Variants in FAIM2 observed in about 807,000 individuals in gnomAD.
The protein encoded by FAIM2 is Fas apoptotic inhibitory molecule 2, also known as protein lifeguard 2.
A neutral mutation model predicts 47.4 loss-of-function variants in FAIM2; 27 were observed. The observed-to-expected ratio is 0.57, with a 90% CI of 0.42 to 0.78. The LOEUF (loss-of-function observed/expected upper bound fraction) is 0.78. FAIM2 is among the 30% of genes least tolerant of loss of function. FAIM2 has a pLI of 0.00. For synonymous variants in FAIM2, 156 were observed against 159.3 expected, an observed-to-expected ratio of 0.98 and a Z score of 0.16; for missense variants, 311 against 389.4, an observed-to-expected ratio of 0.80 and a Z score of 1.69.
At chr12:49,880,160 A>G (rs150953002) in intron 11 of FAIM2, among the ~76,000 whole-genome samples, 107 of 54,936 alleles carry the variant, frequency 1.9e-3, no homozygotes, top group African/African-American at 5.7e-3. Context: ...ATGTGTGTGC[A>G]TGTGTGTATG....
At chr12:49,877,003 G>A (rs180873135) in intron 11 of FAIM2, among the ~76,000 whole-genome samples, 13 of 152,304 alleles carry the variant, frequency 8.5e-5, no homozygotes, top group Admixed American at 4.6e-4. Flanking sequence ...GACTTGGTGG[G>A]GGGCACTGGC....
At chr12:49,880,621 T>A (rs1001673369) in intron 11 of FAIM2, among the ~76,000 whole-genome samples, 1 of 64,370 alleles carries the variant, frequency 1.6e-5, no homozygotes, top group African/African-American at 8.9e-5. Context: ...TGAGTGTATG[T>A]GCATGTGTGT....
chr12:49,871,807 C>G (rs1592782452), intron 11 of FAIM2, among the ~76,000 whole-genome samples: 1 of 152,154 alleles, frequency 6.6e-6, no homozygotes, highest in South Asian at 2.1e-4. Flanking sequence ...GCTAGGATTA[C>G]AGGCATGTGC....
chr12:49,887,252 C>T (rs150215716), intron 11 of FAIM2, 134 bp downstream of exon 11: 142 of 763,840 alleles, frequency 1.9e-4, no homozygotes, highest in African/African-American at 6.8e-4. Flanking sequence ...AACGCAGCAC[C>T]GAGCCTAGCC....
At chr12:49,884,439 T>C (rs988237451) in intron 11 of FAIM2, among the ~76,000 whole-genome samples, 1 of 151,848 alleles carries the variant, frequency 6.6e-6, no homozygotes, top group African/African-American at 2.4e-5. Context: ...TATTTTCAGG[T>C]GGGAGAAATT....
chr12:49,880,633 TA>T (rs1946815096), intron 11 of FAIM2, among the ~76,000 whole-genome samples: 1 of 9,918 alleles, frequency 1.0e-4, no homozygotes, highest in East Asian at 3.7e-3. Context: ...CATGTGTGTA[TA>T]TATATGCATG....
At position 49,896,939 on chromosome 12, in the gene FAIM2, G is replaced by A. The variant is rs749784009; in HGVS notation, c.434+92C>T. 130 of 1,032,250 alleles carry A rather than the reference G, an allele frequency of 1.3e-4. 1 individual carries two copies. The highest frequency in any genetic ancestry group is 1.8e-4 in the Non-Finnish European group (116 of 651,852). 63.9% of individuals were successfully genotyped at this position (1,032,250 alleles called of 1,614,324 possible). A position where few individuals can be genotyped will look rare whatever the true frequency, so the allele number is the denominator to read the frequency against. On this transcript the variant is annotated intron_variant, in intron 5 of 11. Transcript: ENST00000320634. ...TCCCTGTGGGGCTGGGGGAAGCTAC[G>A]GGCTCAGATTAGGTCAAGAAAGACA...
At chr12:49,879,435 CAT>C (rs1309608232) in intron 11 of FAIM2, among the ~76,000 whole-genome samples, 1 of 126,614 alleles carries the variant, frequency 7.9e-6, no homozygotes, top group Non-Finnish European at 1.6e-5. Flanking sequence ...TGTGTATGTG[CAT>C]GTGTATATGT....
rs1946670376 is a variant in FAIM2, at chr12:49,867,338, A to G, written c.*3166T>C. The G allele has an allele frequency of 6.6e-6, 1 of 152,286 alleles. No individual in the cohort carries two copies. Among genetic ancestry groups the G allele is most frequent in the Non-Finnish European group, 1.5e-5 (1 of 68,148 alleles). 9.4% of individuals were successfully genotyped at this position (152,286 alleles called of 1,614,324 possible). On this transcript the variant is annotated 3_prime_UTR_variant, in exon 12 of 12. Coordinates refer to ENST00000320634, the MANE Select transcript of FAIM2 (RefSeq NM_012306.4). ...ATGCAAAAATCCCACCCCGCCCAGGAGAGCAGCCAGGACACCTGGGACTTG... is the reference window on the plus strand; with the variant it reads ...ATGCAAAAATCCCACCCCGCCCAGGGGAGCAGCCAGGACACCTGGGACTTG...
At position 49,867,532 on chromosome 12, in the gene FAIM2, C is replaced by T. The variant is rs74742846; in HGVS notation, c.*2972G>A. The T allele has an allele frequency of 0.016, 2,490 of 152,340 alleles. 29 individuals are homozygous for T. The highest frequency in any genetic ancestry group is 0.026 in the Non-Finnish European group (1,771 of 68,044). 9.4% of individuals were successfully genotyped at this position (152,340 alleles called of 1,614,324 possible). On this transcript the variant is annotated 3_prime_UTR_variant, in exon 12 of 12. Transcript: ENST00000320634. ...TGTGCCCGGGAATGAGTCCCAGACTCGTGTGTGCCTCCCGGGCCCCCATCT... is the reference window on the plus strand; with the variant it reads ...TGTGCCCGGGAATGAGTCCCAGACTTGTGTGTGCCTCCCGGGCCCCCATCT...
chr12:49,900,297 T>C, intron 2 of FAIM2: 7 of 1,060,050 alleles, frequency 6.6e-6, no homozygotes, highest in Non-Finnish European at 8.6e-6. Context: ...TGAGATCTCT[T>C]CTAGAATCCT....
Position 49,890,673 on chromosome 12 carries a change from G to A in FAIM2, c.525+10C>T. The A allele has an allele frequency of 6.2e-7, 1 of 1,613,478 alleles. No individual in the cohort carries two copies. Among genetic ancestry groups the A allele is most frequent in the Non-Finnish European group, 8.5e-7 (1 of 1,179,486 alleles). ...CAGCGTCTGTCCTCAGCACACCCAGGATCACTTACAAAGACGGTCAGGAGA... is the reference window on the plus strand; with the variant it reads ...CAGCGTCTGTCCTCAGCACACCCAGAATCACTTACAAAGACGGTCAGGAGA... On this transcript the variant is annotated intron_variant, in intron 7 of 11. Coordinates refer to ENST00000320634, the MANE Select transcript of FAIM2 (RefSeq NM_012306.4).
In FAIM2 at chr12:49,897,582, A is replaced by AC; in HGVS notation, c.316dup (p.Val106GlyfsTer23). The AC allele has an allele frequency of 6.2e-7, 1 of 1,613,560 alleles. No individual in the cohort carries two copies. Among genetic ancestry groups the AC allele is most frequent in the Non-Finnish European group, 8.5e-7 (1 of 1,179,696 alleles). ...CAGCTGAATCAGCAGGATGGTGTAG[A>AC]CCTGGGGGTGGGAGGGGTTCTACTC... On this transcript the variant is annotated frameshift_variant and splice_region_variant, in exon 4 of 12. Coordinates refer to ENST00000320634, the MANE Select transcript of FAIM2 (RefSeq NM_012306.4). LOFTEE classifies it high-confidence loss of function.
At chr12:49,892,740 C>G (rs549883354) in intron 5 of FAIM2, among the ~76,000 whole-genome samples, 1 of 152,312 alleles carries the variant, frequency 6.6e-6, no homozygotes, top group South Asian at 2.1e-4. Context: ...ATCCACCTGA[C>G]TTGCTCACCC....
In FAIM2 at chr12:49,870,564, G is replaced by A; in HGVS notation, c.891C>T (p.Tyr297=). 6.2e-7 allele frequency: 1 copy of A among 1,613,950 alleles called. No individual in the cohort carries two copies. Among genetic ancestry groups the A allele is most frequent in the Non-Finnish European group, 8.5e-7 (1 of 1,179,878 alleles). ...AGGTGAAGATATAGATGATGTCTAG[G>A]TAAATGTTGAGGGCTCCAAAAATAT... The part of the protein sequence containing the change: ...EEYIFGALNI[Y]LDIIYIFTFF... Residue 297 remains tyrosine, a synonymous_variant, in exon 12 of 12, where the codon TAC becomes TAT. Coordinates refer to ENST00000320634, the MANE Select transcript of FAIM2 (RefSeq NM_012306.4).
intron 11 of FAIM2, among the ~76,000 whole-genome samples, chr12:49,878,972 G>T (rs1946773027): frequency 7.3e-6 from 1 of 136,386 alleles, no homozygotes; most frequent in South Asian, 2.5e-4. Context: ...GTGCGTATGT[G>T]TATATGTATG....
Position 49,896,562 on chromosome 12 carries a change from G to A in FAIM2, c.434+469C>T, listed in dbSNP as rs1024173600. On this transcript the variant is annotated intron_variant, in intron 5 of 11. Coordinates refer to ENST00000320634, the MANE Select transcript of FAIM2 (RefSeq NM_012306.4). ...GTCATACCCAGTAGATGTGAGGACC[G>A]AATGCAATACTGTACATCAAGCACA... Among the ~76,000 whole-genome samples, 6 of 152,180 alleles carry A rather than the reference G, an allele frequency of 3.9e-5. No homozygotes were observed. The East Asian group carries it at 5.8e-4, about 15-fold the overall frequency.
intron 11 of FAIM2, among the ~76,000 whole-genome samples, chr12:49,882,277 A>G (rs1308941640): frequency 3.3e-5 from 5 of 152,128 alleles, no homozygotes; most frequent in African/African-American, 1.2e-4. Flanking sequence ...GGTGCTAGTT[A>G]TGGGATAGGC....
intron 11 of FAIM2, among the ~76,000 whole-genome samples, chr12:49,886,194 CA>C (rs1200813328): frequency 6.6e-6 from 1 of 152,206 alleles, no homozygotes; most frequent in East Asian, 1.9e-4. Context: ...CAAGCTTGCC[CA>C]ACTGGGTGGG....
Sources: allele counts gnomAD v4.1 joint callset (sites outside exome capture counted in the v4.1 genomes callset), GRCh38; gene constraint gnomAD v4.1.1; transcripts MANE v1.5; gene names NCBI Gene and HGNC (gene_info 2026-07-23, HGNC 2026-07-21).